Variants in ZFPM1 observed in about 807,000 individuals in gnomAD.
ZFPM1 encodes zinc finger protein, FOG family member 1.
Under a neutral mutation model 46.3 loss-of-function variants are expected in ZFPM1, and 28 were observed. The observed-to-expected ratio is 0.60, with a 90% CI of 0.45 to 0.83. ZFPM1 has a LOEUF of 0.83. Among genes scored for constraint, ZFPM1 ranks in the 40% least tolerant of loss-of-function variants. The pLI is 0.00. For missense variants in ZFPM1, 1,878 were observed against 1,432.4 expected, an observed-to-expected ratio of 1.31 and a Z score of -5.02; for synonymous variants, 957 against 675.9, an observed-to-expected ratio of 1.42 and a Z score of -6.45.
chr16:88,481,451 G>T (rs994546402), intron 1 of ZFPM1, among the ~76,000 whole-genome samples: 30 of 151,828 alleles, frequency 2.0e-4, no homozygotes, highest in African/African-American at 7.0e-4. Flanking sequence ...CTCGCCGGGG[G>T]CCGTGGACAG....
At chr16:88,519,740 G>A (rs1374084790) in intron 4 of ZFPM1, among the ~76,000 whole-genome samples, 1 of 146,604 alleles carries the variant, frequency 6.8e-6, no homozygotes, top group Non-Finnish European at 1.5e-5. Context: ...ATGGATAGGT[G>A]GATGAATAGA....
At chr16:88,503,038 G>T (rs952127506) in intron 3 of ZFPM1, among the ~76,000 whole-genome samples, 14 of 152,254 alleles carry the variant, frequency 9.2e-5, no homozygotes, top group Non-Finnish European at 1.5e-4. Context: ...GTGGGAGGTG[G>T]CAGGGGCGCT....
intron 3 of ZFPM1, chr16:88,513,130 G>C (rs555301886): frequency 1.3e-5 from 2 of 152,252 alleles, no homozygotes; most frequent in Non-Finnish European, 2.9e-5. Flanking sequence ...GGGCGGCCTA[G>C]TGGTCAGAGC....
In ZFPM1 at chr16:88,534,395, C is replaced by A; in HGVS notation, c.2437C>A (p.Leu813Met). The A allele has an allele frequency of 1.4e-6, 2 of 1,474,708 alleles. No individual in the cohort carries two copies. Among genetic ancestry groups the A allele is most frequent in the Non-Finnish European group, 1.8e-6 (2 of 1,119,236 alleles). 91.4% of individuals were successfully genotyped at this position (1,474,708 alleles called of 1,614,324 possible). The part of the protein sequence containing the change: ...RPLPGAPAPA[L>M]ADYHECTACR... ...GCTCCCCGGAGCCCCGGCACCGGCG[C>A]TGGCCGACTACCACGAGTGCACGGC... Residue 813 changes from leucine to methionine, a missense_variant, in exon 10 of 10, where the codon CTG (leucine) becomes ATG (methionine). Leu to Met is a conservative substitution (Grantham distance 15). Coordinates refer to ENST00000319555, the MANE Select transcript of ZFPM1 (RefSeq NM_153813.3).
chr16:88,500,308 C>T (rs1031759879), intron 3 of ZFPM1, among the ~76,000 whole-genome samples: 3 of 152,246 alleles, frequency 2.0e-5, no homozygotes, highest in African/African-American at 4.8e-5. Flanking sequence ...ACAGCCAGCT[C>T]CCCCCATGAG....
At chr16:88,524,017 T>A (rs998074576) in intron 4 of ZFPM1, among the ~76,000 whole-genome samples, 2 of 152,220 alleles carry the variant, frequency 1.3e-5, no homozygotes, top group African/African-American at 4.8e-5. Flanking sequence ...TTTATCATGC[T>A]GGGAACACGC....
chr16:88,531,018 A>G (rs1474838107), intron 6 of ZFPM1: 4 of 152,250 alleles, frequency 2.6e-5, no homozygotes, highest in Admixed American at 6.5e-5. Context: ...CCCCTGCGTG[A>G]TAACTGCAGA....
At chr16:88,519,578 G>A (rs1347933427) in intron 4 of ZFPM1, among the ~76,000 whole-genome samples, 1 of 150,068 alleles carries the variant, frequency 6.7e-6, no homozygotes, top group Admixed American at 6.6e-5. Context: ...ATGGATGAAT[G>A]GGAGGGTGGG....
chr16:88,459,805 C>T (rs990391682), intron 1 of ZFPM1, among the ~76,000 whole-genome samples: 6 of 130,984 alleles, frequency 4.6e-5, no homozygotes, highest in Non-Finnish European at 4.9e-5. Context: ...CTTCCTCCCC[C>T]TCTTCCCCTT....
chr16:88,502,341 C>T (rs932926666), intron 3 of ZFPM1, among the ~76,000 whole-genome samples: 17 of 152,014 alleles, frequency 1.1e-4, no homozygotes, highest in Admixed American at 9.2e-4. Flanking sequence ...CCCGGCCCCC[C>T]GCCCTCTCCC....
At chr16:88,477,289 C>T (rs1269256746) in intron 1 of ZFPM1, among the ~76,000 whole-genome samples, 1 of 152,238 alleles carries the variant, frequency 6.6e-6, no homozygotes, top group African/African-American at 2.4e-5. Flanking sequence ...GGGAAGGTGG[C>T]TGATGCTAGA....
intron 1 of ZFPM1, among the ~76,000 whole-genome samples, chr16:88,483,942 C>A (rs551044612): frequency 5.3e-4 from 80 of 152,330 alleles, no homozygotes; most frequent in African/African-American, 1.8e-3. Context: ...AGCATTTCTC[C>A]TTCTCTCGCA....
At chr16:88,457,255 TTC>T (rs529487888) in intron 1 of ZFPM1, among the ~76,000 whole-genome samples, 37 of 152,220 alleles carry the variant, frequency 2.4e-4, no homozygotes, top group Non-Finnish European at 4.7e-4. Flanking sequence ...CACACTGGCC[TTC>T]CATGCGTGGG....
rs1913121439 is a variant in ZFPM1 at position 88,534,512 on chromosome 16, C to T, written c.2554C>T (p.Pro852Ser). 3 of 1,445,542 alleles carry T rather than the reference C, an allele frequency of 2.1e-6. No individual in the cohort carries two copies. The highest frequency in any genetic ancestry group is 3.1e-5 in the East Asian group (1 of 32,228). The allele number at this position is 1,445,542 out of a possible 1,614,324, so 89.5% of individuals were successfully genotyped here. ...GCCACCGCCCGGCGCGCTCGGCCTG[C>T]CCGCCGCCGCCTGCCCCTACTGCCC... is the stretch of plus-strand genomic sequence containing the variant. ...AAPPPGALGL[P>S]AAACPYCPPN... Residue 852 changes from proline to serine, a missense_variant, in exon 10 of 10, where the codon CCC becomes TCC. Pro to Ser is a moderately conservative substitution (Grantham distance 74, BLOSUM62 -1). Transcript: ENST00000319555.
rs775621506 is a variant in ZFPM1 at position 88,514,401 on chromosome 16, G to T, written c.283G>T (p.Val95Leu). 3 of 1,564,982 alleles carry T rather than the reference G, an allele frequency of 1.9e-6. No homozygotes were observed. The highest frequency in any genetic ancestry group is 2.6e-6 in the Non-Finnish European group (3 of 1,155,262). Residue 95 changes from valine (V) to leucine (L), a missense_variant, in exon 4 of 10, where the codon GTG (valine) becomes TTG (leucine). Physicochemically the swap from Val to Leu is conservative, Grantham distance 32 (BLOSUM62 1). Coordinates refer to ENST00000319555, the MANE Select transcript of ZFPM1 (RefSeq NM_153813.3). ...PWSGPDELEP[V>L]VQDGQRRIRA... is the part of the protein sequence containing the mutation. ...TCTCTCTGCAGACGAGCTGGAGCCG[G>T]TGGTGCAGGATGGGCAGAGGCGCAT...
At chr16:88,516,498 C>T (rs1330001743) in intron 4 of ZFPM1, 2 of 398,506 alleles carry the variant, frequency 5.0e-6, no homozygotes, top group Non-Finnish European at 8.8e-6. Flanking sequence ...CCGCTCCACT[C>T]TTCCCTCCTC....
At chr16:88,519,950 AATGG>A (rs375269569) in intron 4 of ZFPM1, among the ~76,000 whole-genome samples, 36 of 103,350 alleles carry the variant, frequency 3.5e-4, no homozygotes, top group Non-Finnish European at 6.2e-4. Context: ...TGGATGGATG[AATGG>A]ATGGATGGAT....
intron 3 of ZFPM1, among the ~76,000 whole-genome samples, chr16:88,501,080 G>GT (rs1910232415): frequency 3.1e-5 from 3 of 95,800 alleles, no homozygotes; most frequent in African/African-American, 1.1e-4. Context: ...TCATGGATGC[G>GT]GGGGCCCTCC....
Position 88,535,043 on chromosome 16 carries a change from CCAGGCCGCACG to C in ZFPM1, c.*65_*75del. 4.5e-6 allele frequency: 6 copies of C among 1,346,824 alleles called. No homozygotes were observed. Among genetic ancestry groups the C allele is most frequent in the Non-Finnish European group, 4.8e-6 (5 of 1,042,708 alleles). 83.4% of individuals were successfully genotyped at this position (1,346,824 alleles called of 1,614,324 possible). A position where few individuals can be genotyped will look rare whatever the true frequency, so the allele number is the denominator to read the frequency against. ...CTGCGATGCGGGGAGGGGGCCGCCC[CCAGGCCGCACG>C]GACTGCCGCTCCTGGGAACCCCGCC... On this transcript the variant is annotated 3_prime_UTR_variant, in exon 10 of 10. Coordinates refer to ENST00000319555, the MANE Select transcript of ZFPM1 (RefSeq NM_153813.3).
Sources: gnomAD v4.1 joint callset for allele counts (sites outside exome capture counted in the v4.1 genomes callset) on GRCh38, gnomAD v4.1.1 for gene constraint, MANE v1.5 for transcripts, NCBI Gene and HGNC (gene_info 2026-07-23, HGNC 2026-07-21) for gene names.